SLC3A2: variants seen among roughly 807,000 people sequenced by gnomAD.
SLC3A2 encodes amino acid transporter heavy chain SLC3A2.
SLC3A2 carries 32 observed loss-of-function variants against 48.5 expected under a neutral mutation model. The observed-to-expected ratio is 0.66, with a 90% CI of 0.50 to 0.89. The LOEUF is 0.89. Among genes scored for constraint, SLC3A2 ranks in the 40% least tolerant of loss-of-function variants. SLC3A2 has a pLI of 0.00. For missense variants in SLC3A2, 587 were observed against 680.7 expected (o/e 0.86, Z 1.53); for synonymous variants, 277 against 288.8 (o/e 0.96, Z 0.41).
Position 62,884,651 on chromosome 11 carries a change from C to G in SLC3A2, c.779C>G (p.Ala260Gly). 1 of 1,609,420 alleles carries G rather than the reference C, an allele frequency of 6.2e-7. No homozygotes were observed. Among genetic ancestry groups the G allele is most frequent in the Non-Finnish European group, 8.5e-7 (1 of 1,176,842 alleles). ...TTCTAGGATGCATCCTCATTCTTGG[C>G]TGAGTGGCAAAATATCACCAAGGGC... ...ENLKDASSFL[A>G]EWQNITKGFS... Residue 260 changes from alanine to glycine, a missense_variant, in exon 5 of 9, where the codon GCT (alanine) becomes GGT (glycine). Around this residue, in one of 3 missense-constraint regions of SLC3A2, gnomAD observed 409 missense variants for 446.7 expected, o/e 0.92. Transcript: ENST00000338663.
chr11:62,875,181 G>A (rs2085558129), intron 1 of SLC3A2, among the ~76,000 whole-genome samples: 1 of 152,268 alleles, frequency 6.6e-6, no homozygotes, highest in African/African-American at 2.4e-5. Flanking sequence ...GATTTATGGA[G>A]GCTGTTGGAC....
intron 1 of SLC3A2, among the ~76,000 whole-genome samples, chr11:62,861,336 C>T (rs753986102): frequency 3.0e-4 from 46 of 152,106 alleles, no homozygotes; most frequent in Admixed American, 2.2e-3. Flanking sequence ...GAGGGTTTCA[C>T]TCTTGGTCAC....
intron 3 of SLC3A2, chr11:62,883,845 C>T (rs928195906): frequency 2.7e-6 from 1 of 375,704 alleles, no homozygotes; most frequent in African/African-American, 2.1e-5. Flanking sequence ...GGTGAAGTTC[C>T]ACAGTGTGTG....
intron 7 of SLC3A2, among the ~76,000 whole-genome samples, chr11:62,885,950 C>T (rs1348750207): frequency 1.3e-5 from 2 of 152,220 alleles, no homozygotes; most frequent in Non-Finnish European, 2.9e-5. Flanking sequence ...TCTGTGCCCT[C>T]AGGAGCTCAT....
chr11:62,867,239 A>G (rs2085462053), intron 1 of SLC3A2, among the ~76,000 whole-genome samples: 1 of 148,928 alleles, frequency 6.7e-6, no homozygotes, highest in African/African-American at 2.5e-5. Flanking sequence ...TGTTGCGCCC[A>G]CCTCGGCCTC....
chr11:62,877,933 GATC>G (rs2085586496), upstream of SLC3A2, among the ~76,000 whole-genome samples: 4 of 152,196 alleles, frequency 2.6e-5, no homozygotes. Context: ...GAGGCGGGCA[GATC>G]ACCTGAAGTT....
Position 62,881,051 on chromosome 11 carries a change from A to C in SLC3A2, c.28A>C (p.Lys10Gln). Residue 10 changes from lysine to glutamine, a missense_variant, in exon 1 of 9, where the codon AAG (lysine) becomes CAG (glutamine). Coordinates refer to ENST00000338663, the MANE Select transcript of SLC3A2 (RefSeq NM_001013251.3). This position sits in a 1 kb window ranked among gnomAD's most constrained non-coding sequence, Gnocchi z 4.0. MSQDTEVDM[K>Q]EVELNELEPE... Reference sequence around the variant, plus strand: ...GAGCCAGGACACCGAGGTGGATATGAAGGAGGTGGAGCTGAATGAGTTAGA... The same window carrying C: ...GAGCCAGGACACCGAGGTGGATATGCAGGAGGTGGAGCTGAATGAGTTAGA... The C allele has an allele frequency of 6.3e-7, 1 of 1,588,642 alleles. No homozygotes were observed. The highest frequency in any genetic ancestry group is 8.6e-7 in the Non-Finnish European group (1 of 1,165,088).
At chr11:62,860,721 T>A (rs2085390398) in intron 1 of SLC3A2, among the ~76,000 whole-genome samples, 1 of 152,170 alleles carries the variant, frequency 6.6e-6, no homozygotes, top group African/African-American at 2.4e-5. Context: ...TATCTCAGGC[T>A]GTCTCAGTGG....
At position 62,888,810 on chromosome 11, in the gene SLC3A2, C is replaced by T. The variant is rs2085751479; in HGVS notation, c.*117C>T. ...ACTGTTGCAGATTATGAGTGAACCC[C>T]CAAATAGGGTGTTTTCTGCCTTCAA... On this transcript the variant is annotated 3_prime_UTR_variant, in exon 9 of 9. Transcript: ENST00000338663. 1 of 994,478 alleles carries T rather than the reference C, an allele frequency of 1.0e-6. No individual in the cohort carries two copies. The highest frequency in any genetic ancestry group is 1.5e-6 in the Non-Finnish European group (1 of 689,288). The allele number at this position is 994,478 out of a possible 1,614,324, so 61.6% of individuals were successfully genotyped here. A position where few individuals can be genotyped will look rare whatever the true frequency, so the allele number is the denominator to read the frequency against.
chr11:62,870,406 GATCTCGTGACCT>G (rs1226897777), intron 1 of SLC3A2, among the ~76,000 whole-genome samples: 1 of 150,964 alleles, frequency 6.6e-6, no homozygotes, highest in African/African-American at 2.5e-5. Context: ...GGATGGTCTT[GATCTCGTGACCT>G]TGTGATCCGC....
At chr11:62,872,418 G>T (rs1420470951) in intron 1 of SLC3A2, among the ~76,000 whole-genome samples, 4 of 152,192 alleles carry the variant, frequency 2.6e-5, no homozygotes, top group East Asian at 3.9e-4. Context: ...AGGAGGCTGA[G>T]GTGGGAGGAT....
At chr11:62,885,156 A>ACTC (rs754827290) in intron 5 of SLC3A2, 21 bp from the exon 6 acceptor site, 55 of 1,607,506 alleles carry the variant, frequency 3.4e-5, no homozygotes, top group Non-Finnish European at 4.0e-5. Context: ...CTAACCTTGA[A>ACTC]CTCCTCCCTC....
chr11:62,862,702 G>C (rs768976180), intron 1 of SLC3A2, among the ~76,000 whole-genome samples: 10 of 152,032 alleles, frequency 6.6e-5, no homozygotes, highest in Non-Finnish European at 1.5e-4. Flanking sequence ...CTTTATGTTG[G>C]GAATGCTGTA....
At chr11:62,877,305 C>A (rs1482515314), upstream of SLC3A2, among the ~76,000 whole-genome samples, 2 of 152,298 alleles carry the variant, frequency 1.3e-5, no homozygotes, top group East Asian at 1.9e-4. Flanking sequence ...AATTGATCTG[C>A]CTGCCTTGGT....
exon 1 of SLC3A2, chr11:62,856,311 G>C: frequency 6.2e-7 from 1 of 1,613,548 alleles, no homozygotes; most frequent in Non-Finnish European, 8.5e-7. Flanking sequence ...CCGTCGTGTC[G>C]ATTCCGCGCC....
chr11:62,882,229 C>G (rs2085651278), intron 2 of SLC3A2, 163 bp downstream of exon 2: 2 of 772,010 alleles, frequency 2.6e-6, no homozygotes, highest in South Asian at 1.9e-5. Flanking sequence ...TTTGTCCAGT[C>G]GTCTGGGGGC....
At chr11:62,887,923 T>G (rs924821276) in intron 7 of SLC3A2, 5 of 470,310 alleles carry the variant, frequency 1.1e-5, no homozygotes, top group African/African-American at 3.9e-5. Context: ...CTCCCCAGTA[T>G]CTGGGACTAT....
intron 1 of SLC3A2, among the ~76,000 whole-genome samples, chr11:62,863,891 C>T (rs1271563608): frequency 6.6e-6 from 1 of 152,160 alleles, no homozygotes; most frequent in Non-Finnish European, 1.5e-5. Flanking sequence ...GCCATAGGAG[C>T]TTGCCATAAG....
rs1328717924 is a variant in SLC3A2, at chr11:62,888,361, T to C, written c.1258T>C (p.Ser420Pro). 6.2e-7 allele frequency: 1 copy of C among 1,614,156 alleles called. No individual in the cohort carries two copies. The highest frequency in any genetic ancestry group is 2.2e-5 in the East Asian group (1 of 44,880). The change falls in exon 9 of 9, where the codon TCC becomes CCC. Residue 420 changes from serine to proline, a missense_variant. Coordinates refer to ENST00000338663, the MANE Select transcript of SLC3A2 (RefSeq NM_001013251.3). ...GQSEDPGSLL[S>P]LFRRLSDQRS... ...GAGTGAAGACCCTGGCTCCCTCCTT[T>C]CCTTGTTCCGGCGGCTGAGTGACCA...
Sources: allele counts gnomAD v4.1 joint callset (sites outside exome capture counted in the v4.1 genomes callset), GRCh38; gene constraint gnomAD v4.1.1; regional missense constraint gnomAD v4.1.1; non-coding constraint Gnocchi (gnomAD v3.1); transcripts MANE v1.5; gene names NCBI Gene and HGNC (gene_info 2026-07-23, HGNC 2026-07-21).